The following STAC variants were observed in gnomAD, a reference collection of about 807,000 sequenced individuals.
The protein encoded by STAC is SH3 and cysteine-rich domain-containing protein.
Under a neutral mutation model 48.8 loss-of-function variants are expected in STAC, and 43 were observed. The observed-to-expected ratio is 0.88, with a 90% CI of 0.69 to 1.14. The LOEUF (loss-of-function observed/expected upper bound fraction) is 1.14. Among genes scored for constraint, STAC ranks in the 50% most tolerant of loss-of-function variants. The pLI is 0.00. For missense variants in STAC, 497 were observed against 504.0 expected (o/e 0.99, Z 0.13); for synonymous variants, 193 against 179.5 (o/e 1.07, Z -0.60).
At chr3:36,492,031 A>AAT (rs11267408) in intron 5 of STAC, among the ~76,000 whole-genome samples, 72 of 16,440 alleles carry the variant, frequency 4.4e-3, no homozygotes, top group African/African-American at 6.4e-3. Context: ...AAAAAAAAAA[A>AAT]ATATATATAT....
At chr3:36,432,960 C>G (rs570713124) in intron 1 of STAC, among the ~76,000 whole-genome samples, 14 of 152,288 alleles carry the variant, frequency 9.2e-5, no homozygotes, top group African/African-American at 2.9e-4. Context: ...ACAATAACTA[C>G]TTGGTAGTAA....
Position 36,407,610 on chromosome 3 carries a change from T to C in STAC, c.111+26856T>C, listed in dbSNP as rs990752254. Among the ~76,000 whole-genome samples, 14 of 152,276 alleles carry C rather than the reference T, an allele frequency of 9.2e-5. 2 individuals are homozygous for C. Among genetic ancestry groups the C allele is most frequent in the Admixed American group, 6.5e-4 (10 of 15,292 alleles). On this transcript the variant is annotated intron_variant, in intron 1 of 10. Transcript: ENST00000273183. Reference sequence around the variant, plus strand: ...TTTTAATGCTTTTATATGAGCCACTTTGTTAATGACATTGTATTTAGCTAA... The same window carrying C: ...TTTTAATGCTTTTATATGAGCCACTCTGTTAATGACATTGTATTTAGCTAA...
At chr3:36,386,429 TTTC>T (rs1295024319) in intron 1 of STAC, among the ~76,000 whole-genome samples, 2 of 151,772 alleles carry the variant, frequency 1.3e-5, no homozygotes, top group Non-Finnish European at 2.9e-5. Context: ...GCTTACCTTT[TTTC>T]TTCTTCACTG....
intron 2 of STAC, among the ~76,000 whole-genome samples, chr3:36,457,181 A>T (rs1575212911): frequency 6.6e-6 from 1 of 152,344 alleles, no homozygotes; most frequent in East Asian, 1.9e-4. Context: ...GATCATCAGC[A>T]AATGGATCAT....
In STAC at chr3:36,485,059, G is replaced by GTGAGTTGGGACATTGATGGGT. The variant is rs756729001; in HGVS notation, c.571+9_571+29dup. 1.3e-5 allele frequency: 21 copies of GTGAGTTGGGACATTGATGGGT among 1,601,328 alleles called. No homozygotes were observed. Among genetic ancestry groups the GTGAGTTGGGACATTGATGGGT allele is most frequent in the Non-Finnish European group, 1.8e-5 (21 of 1,173,996 alleles). ...TGCATTAAAGAAGTTATGCCCATTG[G>GTGAGTTGGGACATTGATGGGT]TGAGTTGGGACATTGATGGGTTGAG... On this transcript the variant is annotated splice_donor_variant, in intron 4 of 10. Transcript: ENST00000273183. LOFTEE classifies it high-confidence loss of function.
At chr3:36,511,601 G>C (rs1698540894) in intron 8 of STAC, among the ~76,000 whole-genome samples, 2 of 152,192 alleles carry the variant, frequency 1.3e-5, no homozygotes, top group South Asian at 2.1e-4. Flanking sequence ...AATTGCCAGA[G>C]CATTGGGAAA....
intron 10 of STAC, among the ~76,000 whole-genome samples, chr3:36,544,059 T>C (rs1023953032): frequency 5.3e-5 from 8 of 152,222 alleles, no homozygotes; most frequent in Middle Eastern, 3.4e-3. Context: ...TAGAAGTAGG[T>C]GAGAAAACAC....
intron 2 of STAC, among the ~76,000 whole-genome samples, chr3:36,460,976 T>C (rs1213964498): frequency 6.6e-6 from 1 of 152,104 alleles, no homozygotes; most frequent in African/African-American, 2.4e-5. Flanking sequence ...GAAAATATGC[T>C]CACTATGGAA....
At chr3:36,451,795 C>A (rs947965388) in intron 2 of STAC, among the ~76,000 whole-genome samples, 1 of 152,134 alleles carries the variant, frequency 6.6e-6, no homozygotes, top group Admixed American at 6.5e-5. Flanking sequence ...ACTTAACTTC[C>A]CTTTTCTTAA....
chr3:36,419,001 C>A (rs1436227063), intron 1 of STAC, among the ~76,000 whole-genome samples: 2 of 148,984 alleles, frequency 1.3e-5, no homozygotes, highest in Middle Eastern at 3.5e-3. Flanking sequence ...GAGCCGAGAT[C>A]GCGCCATTGC....
intron 2 of STAC, among the ~76,000 whole-genome samples, chr3:36,455,110 T>C (rs1005529754): frequency 5.9e-5 from 9 of 152,220 alleles, no homozygotes; most frequent in African/African-American, 1.4e-4. Context: ...TCTTTTGTTA[T>C]ATTTTTAGTC....
chr3:36,437,447 TA>T (rs1430758768), intron 1 of STAC, among the ~76,000 whole-genome samples: 1 of 151,560 alleles, frequency 6.6e-6, no homozygotes, highest in Non-Finnish European at 1.5e-5. Context: ...TATGCAGCCA[TA>T]AAAAATGATG....
chr3:36,453,846 C>T (rs1696767606), intron 2 of STAC, among the ~76,000 whole-genome samples: 1 of 152,300 alleles, frequency 6.6e-6, no homozygotes, highest in South Asian at 2.1e-4. Context: ...GCATCTAGCT[C>T]AAGGTTTGTA....
At chr3:36,499,932 AT>A in intron 6 of STAC, among the ~76,000 whole-genome samples, 1 of 152,300 alleles carries the variant, frequency 6.6e-6, no homozygotes, top group South Asian at 2.1e-4. Context: ...CATTACTAGA[AT>A]TTAAAAGTGT....
chr3:36,472,222 C>T (rs1349054410), intron 2 of STAC, among the ~76,000 whole-genome samples: 2 of 152,238 alleles, frequency 1.3e-5, no homozygotes, highest in African/African-American at 4.8e-5. Flanking sequence ...CTACATTGGC[C>T]CCTTTCAGCC....
At chr3:36,396,880 A>G (rs183674610) in intron 1 of STAC, among the ~76,000 whole-genome samples, 4 of 152,110 alleles carry the variant, frequency 2.6e-5, no homozygotes, top group Admixed American at 2.6e-4. Context: ...GTTCTCTCCT[A>G]GTTCTTGTGT....
At position 36,505,842 on chromosome 3, in the gene STAC, CCTT is replaced by C; in HGVS notation, c.920+11_920+13del. 6.3e-7 allele frequency: 1 copy of C among 1,574,982 alleles called. No homozygotes were observed. The highest frequency in any genetic ancestry group is 8.6e-7 in the Non-Finnish European group (1 of 1,159,240). ...TGAAGATTTGGAAATGAGGTAAAAA[CCTT>C]CTGTAAAGAAAAAAAAGAGTAAAAT... On this transcript the variant is annotated intron_variant, in intron 8 of 10. Coordinates refer to ENST00000273183, the MANE Select transcript of STAC (RefSeq NM_003149.3).
Position 36,546,783 on chromosome 3 carries a change from C to G in STAC, c.*494C>G, listed in dbSNP as rs1022168611. 1.3e-5 allele frequency: 2 copies of G among 158,292 alleles called. No homozygotes were observed. Among genetic ancestry groups the G allele is most frequent in the African/African-American group, 4.8e-5 (2 of 41,598 alleles). 9.8% of individuals were successfully genotyped at this position (158,292 alleles called of 1,614,324 possible). A position where few individuals can be genotyped will look rare whatever the true frequency, so the allele number is the denominator to read the frequency against. On this transcript the variant is annotated 3_prime_UTR_variant, in exon 11 of 11. Transcript: ENST00000273183. ...TGCAAAGCATCAGAAAGACCTGCTTCCCAGCCCCCAGCATTCCAGTGCTCT... is the reference window on the plus strand; with the variant it reads ...TGCAAAGCATCAGAAAGACCTGCTTGCCAGCCCCCAGCATTCCAGTGCTCT...
chr3:36,514,162 T>C (rs1008327106), intron 8 of STAC, among the ~76,000 whole-genome samples: 3 of 148,506 alleles, frequency 2.0e-5, no homozygotes, highest in Non-Finnish European at 4.5e-5. Flanking sequence ...GGACCCACAG[T>C]CTCATCCATG....
Sources: allele counts gnomAD v4.1 joint callset (sites outside exome capture counted in the v4.1 genomes callset), GRCh38; gene constraint gnomAD v4.1.1; transcripts MANE v1.5; gene names NCBI Gene and HGNC (gene_info 2026-07-23, HGNC 2026-07-21).